GLG1: variants seen among roughly 807,000 people sequenced by gnomAD.
GLG1 encodes Golgi apparatus protein 1.
A neutral mutation model predicts 160.5 loss-of-function variants in GLG1; 38 were observed. The observed-to-expected ratio is 0.24, with a 90% CI of 0.18 to 0.31. GLG1 has a LOEUF of 0.31. Among genes scored for constraint, GLG1 ranks in the 10% least tolerant of loss-of-function variants. The pLI is 1.00. For missense variants in GLG1, 1,373 were observed against 1,505.2 expected (o/e 0.91, Z 1.45); for synonymous variants, 644 against 543.4 (o/e 1.19, Z -2.57).
chr16:74,492,840 G>T, intron 7 of GLG1, 117 bp downstream of exon 7: 20 of 493,518 alleles, frequency 4.1e-5, no homozygotes, highest in Non-Finnish European at 5.9e-5. Flanking sequence ...AAAAAAAAAA[G>T]AAAAATACTC....
At chr16:74,586,478 G>C (rs550856583) in intron 1 of GLG1, among the ~76,000 whole-genome samples, 3 of 151,954 alleles carry the variant, frequency 2.0e-5, no homozygotes, top group African/African-American at 7.2e-5. Context: ...GCAATGGAAA[G>C]ATAATTTTTT....
At chr16:74,546,655 T>G (rs183563474) in intron 1 of GLG1, among the ~76,000 whole-genome samples, 2 of 151,038 alleles carry the variant, frequency 1.3e-5, no homozygotes, top group Non-Finnish European at 2.9e-5. Flanking sequence ...TTGGTCAACA[T>G]AGTGAAACCC....
At chr16:74,564,802 A>C (rs1292089103) in intron 1 of GLG1, among the ~76,000 whole-genome samples, 2 of 152,234 alleles carry the variant, frequency 1.3e-5, no homozygotes, top group Non-Finnish European at 2.9e-5. Flanking sequence ...CAACATCATC[A>C]AATTGAAACT....
intron 4 of GLG1, among the ~76,000 whole-genome samples, chr16:74,499,121 T>G (rs2016318023): frequency 6.6e-6 from 1 of 152,200 alleles, no homozygotes; most frequent in South Asian, 2.1e-4. Flanking sequence ...ACTAACTCAT[T>G]TGAGTTGTAG....
At chr16:74,560,262 C>T (rs2018472463) in intron 1 of GLG1, among the ~76,000 whole-genome samples, 1 of 151,408 alleles carries the variant, frequency 6.6e-6, no homozygotes, top group South Asian at 2.1e-4. Flanking sequence ...TCCCCCAGGA[C>T]TCCAGAATCA....
chr16:74,501,544 T>A (rs1300365776), intron 4 of GLG1, among the ~76,000 whole-genome samples: 4 of 152,098 alleles, frequency 2.6e-5, no homozygotes, highest in Non-Finnish European at 5.9e-5. Flanking sequence ...TACATGGAGG[T>A]GACAATTCAG....
intron 1 of GLG1, among the ~76,000 whole-genome samples, chr16:74,601,831 C>T (rs1219712710): frequency 6.6e-6 from 1 of 152,154 alleles, no homozygotes; most frequent in African/African-American, 2.4e-5. Flanking sequence ...GACTAATGTC[C>T]TTAGCTACAA....
chr16:74,470,440 T>C (rs2015163439), intron 15 of GLG1, among the ~76,000 whole-genome samples: 1 of 131,616 alleles, frequency 7.6e-6, no homozygotes, highest in Admixed American at 9.7e-5. Context: ...AGGACATATA[T>C]TTGTAATTTT....
intron 2 of GLG1, among the ~76,000 whole-genome samples, chr16:74,530,239 A>C (rs559833543): frequency 7.4e-4 from 112 of 152,326 alleles, no homozygotes; most frequent in African/African-American, 2.6e-3. Flanking sequence ...ATATCCTTTT[A>C]TAGACACATC....
At chr16:74,484,235 G>C (rs2015709650) in intron 9 of GLG1, among the ~76,000 whole-genome samples, 2 of 152,088 alleles carry the variant, frequency 1.3e-5, no homozygotes, top group African/African-American at 4.8e-5. Context: ...AGATAAACAT[G>C]GACTATACTC....
At chr16:74,532,189 AAAAAAT>A in intron 1 of GLG1, 36 bp from the exon 2 acceptor site, 1 of 644,252 alleles carries the variant, frequency 1.6e-6, no homozygotes, top group Non-Finnish European at 2.1e-6. Context: ...GATGTAAAAA[AAAAAAT>A]ATATATATAT....
At chr16:74,468,830 CA>C (rs1362265753) in intron 17 of GLG1, 115 bp downstream of exon 17, 5 of 694,028 alleles carry the variant, frequency 7.2e-6, no homozygotes, top group African/African-American at 3.5e-5. Flanking sequence ...CACAGGACTT[CA>C]AGTCTTAACC....
In GLG1 at chr16:74,460,569, G is replaced by A. The variant is rs753161882; in HGVS notation, c.3037-780C>T. Among the ~76,000 whole-genome samples, 4 of 152,254 alleles carry A rather than the reference G, an allele frequency of 2.6e-5. No individual in the cohort carries two copies. The East Asian group carries it at 7.7e-4, about 29-fold the overall frequency. On this transcript the variant is annotated intron_variant, in intron 22 of 25. Transcript: ENST00000422840. ...ACTGCTGTTTTACAAGCCAGGGGCA[G>A]TAGCACTGCTATCACCAGAACCCTT...
chr16:74,504,541 G>A (rs903298783), intron 3 of GLG1, among the ~76,000 whole-genome samples: 1 of 152,114 alleles, frequency 6.6e-6, no homozygotes, highest in Non-Finnish European at 1.5e-5. Flanking sequence ...ACCCACCTTG[G>A]CTTCCCAAAG....
Position 74,508,892 on chromosome 16 carries a change from C to G in GLG1, c.505G>C (p.Asp169His). The G allele has an allele frequency of 6.6e-7, 1 of 1,521,830 alleles. No individual in the cohort carries two copies. Among genetic ancestry groups the G allele is most frequent in the African/African-American group, 1.4e-5 (1 of 73,018 alleles). 94.3% of individuals were successfully genotyped at this position (1,521,830 alleles called of 1,614,324 possible). A position where few individuals can be genotyped will look rare whatever the true frequency, so the allele number is the denominator to read the frequency against. Reference sequence around the variant, plus strand: ...CTGGCCACAGATTCAAATTTGGGATCTGTAGTTAGGTTCAGCTTATAATTC... The same window carrying G: ...CTGGCCACAGATTCAAATTTGGGATGTGTAGTTAGGTTCAGCTTATAATTC... ...LWNYKLNLTT[D>H]PKFESVAREV... Residue 169 changes from aspartate (D) to histidine (H), a missense_variant, in exon 3 of 26, where the codon GAT becomes CAT. Coordinates refer to ENST00000422840, the MANE Select transcript of GLG1 (RefSeq NM_001145667.2).
chr16:74,506,394 C>T (rs1425426161), intron 3 of GLG1, among the ~76,000 whole-genome samples: 1 of 150,766 alleles, frequency 6.6e-6, no homozygotes, highest in Non-Finnish European at 1.5e-5. Context: ...CTGGCTAACA[C>T]AGTGAAACCC....
At chr16:74,562,552 C>G (rs143439366) in intron 1 of GLG1, among the ~76,000 whole-genome samples, 1 of 152,124 alleles carries the variant, frequency 6.6e-6, no homozygotes, top group Non-Finnish European at 1.5e-5. Context: ...CTCCACCTCC[C>G]GGGTTCAAGC....
At chr16:74,518,926 A>G (rs2017068828) in intron 2 of GLG1, among the ~76,000 whole-genome samples, 1 of 152,184 alleles carries the variant, frequency 6.6e-6, no homozygotes, top group South Asian at 2.1e-4. Context: ...AGACACTGTG[A>G]TGATTCCTCA....
At chr16:74,598,524 A>G (rs576152039) in intron 1 of GLG1, among the ~76,000 whole-genome samples, 2 of 151,562 alleles carry the variant, frequency 1.3e-5, no homozygotes, top group East Asian at 3.9e-4. Flanking sequence ...CATCTCAAAA[A>G]AAAAAAGAAA....
Sources: allele counts gnomAD v4.1 joint callset (sites outside exome capture counted in the v4.1 genomes callset), GRCh38; gene constraint gnomAD v4.1.1; transcripts MANE v1.5; gene names NCBI Gene and HGNC (gene_info 2026-07-23, HGNC 2026-07-21).